The following EPHA4 variants were observed in gnomAD, a reference collection of about 807,000 sequenced individuals.
The protein encoded by EPHA4 is EPH receptor A4.
EPHA4 carries 19 observed loss-of-function variants against 108.3 expected under a neutral mutation model. The observed-to-expected ratio is 0.18, with a 90% CI of 0.12 to 0.26. EPHA4 has a LOEUF of 0.26. Among genes scored for constraint, EPHA4 ranks in the 10% least tolerant of loss-of-function variants. EPHA4 has a pLI of 1.00. For synonymous variants in EPHA4, 449 were observed against 455.5 expected (o/e 0.99, Z 0.18); for missense variants, 917 against 1,254.0 (o/e 0.73, Z 4.06).
chr2:221,428,920 T>C (rs1689991868), intron 15 of EPHA4, among the ~76,000 whole-genome samples: 1 of 152,190 alleles, frequency 6.6e-6, no homozygotes, highest in Non-Finnish European at 1.5e-5. Context: ...TGTAATGTGT[T>C]TTCCTTCTTT....
At chr2:221,429,843 G>A in intron 15 of EPHA4, 115 bp downstream of exon 15, 2 of 1,086,296 alleles carry the variant, frequency 1.8e-6, no homozygotes, top group African/African-American at 3.2e-5. Flanking sequence ...CACCCAGGTT[G>A]CAGAGAGCCA....
At chr2:221,565,571 C>T (rs763458816) in intron 2 of EPHA4, among the ~76,000 whole-genome samples, 1 of 152,132 alleles carries the variant, frequency 6.6e-6, no homozygotes, top group Non-Finnish European at 1.5e-5. Context: ...TGCATAGAAT[C>T]ATAATGTATC....
chr2:221,564,684 C>T (rs1306631527), intron 2 of EPHA4, among the ~76,000 whole-genome samples: 2 of 151,668 alleles, frequency 1.3e-5, no homozygotes, highest in Admixed American at 6.6e-5. Context: ...GGTCCAACAA[C>T]CTCAAATTCA....
At chr2:221,476,394 T>C (rs1278778217) in intron 5 of EPHA4, among the ~76,000 whole-genome samples, 1 of 152,142 alleles carries the variant, frequency 6.6e-6, no homozygotes, top group Admixed American at 6.5e-5. Context: ...TTCTCCCTTG[T>C]CCTTTCTGTT....
intron 3 of EPHA4, among the ~76,000 whole-genome samples, chr2:221,540,337 C>T (rs1040719863): frequency 4.0e-4 from 61 of 152,324 alleles, no homozygotes; most frequent in African/African-American, 1.4e-3. Flanking sequence ...CCCAACTAGT[C>T]TGCACTGCAG....
intron 3 of EPHA4, among the ~76,000 whole-genome samples, chr2:221,543,262 A>G (rs1559286858): frequency 6.6e-6 from 1 of 152,256 alleles, no homozygotes; most frequent in Non-Finnish European, 1.5e-5. Context: ...ACTGTGGTAC[A>G]TTCAGGCAAC....
chr2:221,494,951 T>C (rs1219819906), intron 4 of EPHA4, among the ~76,000 whole-genome samples: 1 of 136,860 alleles, frequency 7.3e-6, no homozygotes, highest in Non-Finnish European at 1.5e-5. Flanking sequence ...TCAGCTTTAA[T>C]GGCAGCCCTG....
At chr2:221,493,677 A>C (rs1425115806) in intron 4 of EPHA4, among the ~76,000 whole-genome samples, 4 of 152,186 alleles carry the variant, frequency 2.6e-5, no homozygotes, top group Non-Finnish European at 4.4e-5. Flanking sequence ...GAGTAATAGA[A>C]CTGAAATGGT....
chr2:221,425,932 A>T lies in EPHA4; in HGVS notation c.*96T>A. 1 of 940,058 alleles carries T rather than the reference A, an allele frequency of 1.1e-6. No homozygotes were observed. The highest frequency in any genetic ancestry group is 1.7e-6 in the Non-Finnish European group (1 of 597,138). 58.2% of individuals were successfully genotyped at this position (940,058 alleles called of 1,614,324 possible). A position where few individuals can be genotyped will look rare whatever the true frequency, so the allele number is the denominator to read the frequency against. On this transcript the variant is annotated 3_prime_UTR_variant, in exon 17 of 18. Coordinates refer to ENST00000281821, the MANE Select transcript of EPHA4 (RefSeq NM_004438.5). ...TTTTTTTTCATTTCTTTAATTTCAGAGGGCGAAGACGAAGTAAAAAAAGTG... is the reference window on the plus strand; with the variant it reads ...TTTTTTTTCATTTCTTTAATTTCAGTGGGCGAAGACGAAGTAAAAAAAGTG...
rs535059314 is a variant in EPHA4, at chr2:221,512,277, G to C, written c.824-11105C>G. Among the ~76,000 whole-genome samples the C allele has an allele frequency of 8.5e-5, 13 of 152,280 alleles. No individual in the cohort carries two copies. The East Asian group carries it at 2.3e-3, about 27-fold the overall frequency. ...AAAATCAAGAAAAGCGTATATTTTA[G>C]ATGAACTAAATGTAGAAAGTAAGTA... On this transcript the variant is annotated intron_variant, in intron 3 of 17. Coordinates refer to ENST00000281821, the MANE Select transcript of EPHA4 (RefSeq NM_004438.5).
At chr2:221,456,245 C>T (rs529239931) in intron 7 of EPHA4, among the ~76,000 whole-genome samples, 2 of 151,110 alleles carry the variant, frequency 1.3e-5, no homozygotes, top group African/African-American at 2.4e-5. Flanking sequence ...ATATTTTTGG[C>T]GCCTTCTTTA....
At chr2:221,551,618 A>G (rs1356206530) in intron 3 of EPHA4, among the ~76,000 whole-genome samples, 1 of 152,162 alleles carries the variant, frequency 6.6e-6, no homozygotes, top group Non-Finnish European at 1.5e-5. Context: ...TTGTAGCTCC[A>G]ACATGTTGTA....
chr2:221,558,964 A>G (rs1392748341), intron 3 of EPHA4, among the ~76,000 whole-genome samples: 1 of 152,218 alleles, frequency 6.6e-6, no homozygotes, highest in African/African-American at 2.4e-5. Flanking sequence ...ATCTCTGTGA[A>G]GTAGATTTTA....
chr2:221,438,918 C>T (rs1343486006), intron 11 of EPHA4, among the ~76,000 whole-genome samples: 1 of 152,172 alleles, frequency 6.6e-6, no homozygotes, highest in African/African-American at 2.4e-5. Flanking sequence ...AATACATTTT[C>T]CACCCAGTGA....
intron 1 of EPHA4, among the ~76,000 whole-genome samples, chr2:221,570,320 C>G (rs114399910): frequency 6.6e-6 from 1 of 150,806 alleles, no homozygotes; most frequent in East Asian, 1.9e-4. Flanking sequence ...TTTTCTCCCC[C>G]CCCCCCAAAA....
At chr2:221,558,895 A>AATGATACG (rs777681567) in intron 3 of EPHA4, among the ~76,000 whole-genome samples, 4 of 152,242 alleles carry the variant, frequency 2.6e-5, no homozygotes, top group Non-Finnish European at 5.9e-5. Context: ...ATTGATTCTT[A>AATGATACG]ATGATACGAT....
chr2:221,454,291 G>C (rs1027049789), intron 8 of EPHA4, among the ~76,000 whole-genome samples: 4 of 151,866 alleles, frequency 2.6e-5, no homozygotes, highest in Admixed American at 6.6e-5. Flanking sequence ...GAAAGTAAAA[G>C]CATAGTGGCT....
intron 4 of EPHA4, among the ~76,000 whole-genome samples, chr2:221,498,823 C>T (rs1392194497): frequency 1.5e-5 from 2 of 136,214 alleles, no homozygotes; most frequent in South Asian, 2.4e-4. Context: ...GACAGAGTTT[C>T]CTCTGTCATC....
rs1041379336 is a variant in EPHA4 at position 221,424,573 on chromosome 2, T to C, written c.*819+636A>G. Among the ~76,000 whole-genome samples, 3 of 152,052 alleles carry C rather than the reference T, an allele frequency of 2.0e-5. No individual in the cohort carries two copies. The East Asian group carries it at 5.8e-4, about 29-fold the overall frequency. ...CAAACTCAATGCTGGTATATAAAAA[T>C]AGAAGCATTGAAAGCTAATAGGTTT... On this transcript the variant is annotated intron_variant, in intron 17 of 17. Coordinates refer to ENST00000281821, the MANE Select transcript of EPHA4 (RefSeq NM_004438.5).
Sources: gnomAD v4.1 joint callset for allele counts (sites outside exome capture counted in the v4.1 genomes callset) on GRCh38, gnomAD v4.1.1 for gene constraint, MANE v1.5 for transcripts, NCBI Gene and HGNC (gene_info 2026-07-23, HGNC 2026-07-21) for gene names.